MLXIP: variants seen among roughly 807,000 people sequenced by gnomAD.
MLXIP encodes MLX interacting protein.
Under a neutral mutation model 87.2 loss-of-function variants are expected in MLXIP, and 30 were observed. The observed-to-expected ratio is 0.34, with a 90% CI of 0.26 to 0.47. MLXIP has a LOEUF of 0.47. MLXIP is among the 20% of genes least tolerant of loss of function. The probability of loss-of-function intolerance (pLI) is 1.00; values close to 1 mark genes in which losing one functional copy is unlikely to be tolerated. For missense variants in MLXIP, 1,002 were observed against 1,240.1 expected (o/e 0.81, Z 2.88); for synonymous variants, 530 against 514.0 (o/e 1.03, Z -0.42).
intron 1 of MLXIP, among the ~76,000 whole-genome samples, chr12:122,122,069 A>G (rs899316173): frequency 6.6e-6 from 1 of 151,768 alleles, no homozygotes; most frequent in African/African-American, 2.4e-5. Context: ...TGATGGGCAG[A>G]TGGCAGGGGC....
chr12:122,093,120 ATG>A (rs1952273529), intron 1 of MLXIP, among the ~76,000 whole-genome samples: 2 of 106,542 alleles, frequency 1.9e-5, no homozygotes, highest in African/African-American at 7.7e-5. Context: ...GGTGTGTGGG[ATG>A]TGTGTGGGGT....
At chr12:122,120,336 T>C (rs1252204645) in intron 1 of MLXIP, among the ~76,000 whole-genome samples, 2 of 151,930 alleles carry the variant, frequency 1.3e-5, no homozygotes, top group Non-Finnish European at 2.9e-5. Context: ...AATCCTCCCA[T>C]CTCAGTCTTC....
Position 122,133,740 on chromosome 12 carries a change from T to C in MLXIP, c.1485T>C (p.Asp495=), listed in dbSNP as rs780039151. Residue 495 remains aspartate (D), a synonymous_variant, in exon 9 of 17, where the codon GAT becomes GAC. Transcript: ENST00000319080. The surrounding 1 kb of genome is among the most constrained non-coding windows in gnomAD (Gnocchi z 4.9). ...THTASATLTH[D]APATTFSQSQ... ...CGGCCTCTGCCACCCTCACCCACGA[T>C]GCCCCCGCCACCACCTTTAGCCAGA... 4 of 1,613,386 alleles carry C rather than the reference T, an allele frequency of 2.5e-6. No homozygotes were observed. Among genetic ancestry groups the C allele is most frequent in the Admixed American group, 1.7e-5 (1 of 59,962 alleles).
chr12:122,117,887 A>G (rs562384049), intron 1 of MLXIP, among the ~76,000 whole-genome samples: 8 of 152,328 alleles, frequency 5.3e-5, no homozygotes, highest in African/African-American at 1.7e-4. Context: ...ACAATCTACT[A>G]TTCACAATTG....
chr12:122,139,166 A>T (rs951401870), intron 15 of MLXIP, among the ~76,000 whole-genome samples: 2 of 152,062 alleles, frequency 1.3e-5, no homozygotes, highest in Non-Finnish European at 2.9e-5. Context: ...AGGGCTAGGG[A>T]GGTAGAACGG....
chr12:122,101,173 G>A (rs1057229266), intron 1 of MLXIP, among the ~76,000 whole-genome samples: 3 of 152,172 alleles, frequency 2.0e-5, no homozygotes, highest in Non-Finnish European at 4.4e-5. Context: ...TTTGCCAAGA[G>A]GAAATCATTC....
intron 15 of MLXIP, 134 bp from the exon 16 acceptor site, chr12:122,140,820 T>A: frequency 7.3e-7 from 1 of 1,366,250 alleles, no homozygotes; most frequent in Non-Finnish European, 1.0e-6. Flanking sequence ...CTCCCTCTTT[T>A]CCCCAGTGAT....
chr12:122,083,444 C>G (rs578024914), intron 1 of MLXIP, among the ~76,000 whole-genome samples: 1 of 150,774 alleles, frequency 6.6e-6, no homozygotes, highest in South Asian at 2.1e-4. Context: ...GACGGAGTTT[C>G]GCTCATGTTG....
At chr12:122,134,989 TAAAG>T in intron 9 of MLXIP, 1 of 479,084 alleles carries the variant, frequency 2.1e-6, no homozygotes. Context: ...ATCTTTTTTT[TAAAG>T]TTAGTCACAA....
intron 16 of MLXIP, 25 bp from the exon 17 acceptor site, chr12:122,141,666 G>A (rs1337709634): frequency 6.2e-7 from 1 of 1,611,812 alleles, no homozygotes; most frequent in East Asian, 2.2e-5. Context: ...GTCACTGCCT[G>A]TGTCTGACCC....
At chr12:122,120,700 A>T (rs371661714) in intron 1 of MLXIP, among the ~76,000 whole-genome samples, 43 of 152,216 alleles carry the variant, frequency 2.8e-4, no homozygotes, top group African/African-American at 1.0e-3. Flanking sequence ...AGAACCCTGG[A>T]CTGACCTTCC....
In MLXIP at chr12:122,138,495, G is replaced by A. The variant is rs754298171; in HGVS notation, c.2328G>A (p.Met776Ile). The A allele has an allele frequency of 7.4e-6, 12 of 1,613,870 alleles. No individual in the cohort carries two copies. The highest frequency in any genetic ancestry group is 9.3e-6 in the Non-Finnish European group (11 of 1,179,902). ...AGCTGCAGCAGGAGAGAGGCCAGATGCAGGAGGAGGCCCGGCGGCTGCGGG... is the reference window on the plus strand; with the variant it reads ...AGCTGCAGCAGGAGAGAGGCCAGATACAGGAGGAGGCCCGGCGGCTGCGGG... ...ITKLQQERGQMQEEARRLREE... is the reference protein window; with the variant it reads ...ITKLQQERGQIQEEARRLREE... The change falls in exon 14 of 17, where the codon ATG becomes ATA. Residue 776 changes from methionine (M) to isoleucine (I), a missense_variant. By Grantham distance (10) the Met-to-Ile change is conservative. Coordinates refer to ENST00000319080, the MANE Select transcript of MLXIP (RefSeq NM_014938.6).
intron 1 of MLXIP, among the ~76,000 whole-genome samples, chr12:122,119,820 G>T (rs1055621701): frequency 6.6e-6 from 1 of 152,150 alleles, no homozygotes. Context: ...TGGATCTGTC[G>T]AATCACTTCC....
chr12:122,094,681 A>G (rs1258757846), intron 1 of MLXIP, among the ~76,000 whole-genome samples: 73,049 of 135,008 alleles, frequency 0.54, 18,391 homozygotes, highest in Admixed American at 0.61. Context: ...TGTGTGTGCG[A>G]TGTCTGTTGT....
chr12:122,096,791 C>T (rs995946892), intron 1 of MLXIP, among the ~76,000 whole-genome samples: 2 of 152,202 alleles, frequency 1.3e-5, no homozygotes, highest in African/African-American at 4.8e-5. Flanking sequence ...CCCGAGGTGA[C>T]TCCTGCCCTT....
rs1283453712 is a variant in MLXIP at position 122,143,490 on chromosome 12, T to TC, written c.*1682dup. The TC allele has an allele frequency of 2.0e-5, 3 of 152,284 alleles. No homozygotes were observed. Among genetic ancestry groups the TC allele is most frequent in the Admixed American group, 6.5e-5 (1 of 15,282 alleles). 9.4% of individuals were successfully genotyped at this position (152,284 alleles called of 1,614,324 possible). On this transcript the variant is annotated 3_prime_UTR_variant, in exon 17 of 17. Coordinates refer to ENST00000319080, the MANE Select transcript of MLXIP (RefSeq NM_014938.6). ...TGAGGCGGGGCTGGTCCTTGGAATT[T>TC]CCCCTGGAAAATGGTAACAGACTCC...
intron 1 of MLXIP, among the ~76,000 whole-genome samples, chr12:122,083,464 G>C (rs1263246514): frequency 6.6e-6 from 1 of 151,824 alleles, no homozygotes; most frequent in East Asian, 1.9e-4. Flanking sequence ...GCCCAGTCTG[G>C]AGTGCAATGG....
intron 1 of MLXIP, among the ~76,000 whole-genome samples, chr12:122,094,467 G>A (rs1279645144): frequency 1.4e-5 from 2 of 145,540 alleles, no homozygotes; most frequent in African/African-American, 5.1e-5. Context: ...TGGTGTGTGT[G>A]TGTTGGTGTG....
intron 1 of MLXIP, among the ~76,000 whole-genome samples, chr12:122,108,803 C>G (rs528593553): frequency 2.1e-4 from 32 of 152,210 alleles, no homozygotes; most frequent in South Asian, 8.3e-4. Flanking sequence ...TTTTCCTGCT[C>G]TGTAGTTTTT....
Sources: gnomAD v4.1 joint callset for allele counts (sites outside exome capture counted in the v4.1 genomes callset) on GRCh38, gnomAD v4.1.1 for gene constraint, Gnocchi (gnomAD v3.1) non-coding constraint, MANE v1.5 for transcripts, NCBI Gene and HGNC (gene_info 2026-07-23, HGNC 2026-07-21) for gene names.